PLPPR1: variants seen among roughly 807,000 people sequenced by gnomAD.
The protein encoded by PLPPR1 is phospholipid phosphatase-related protein type 1.
PLPPR1 carries 10 observed loss-of-function variants against 33.1 expected under a neutral mutation model. That is an observed-to-expected ratio of 0.30 (90% CI 0.19 to 0.51). The LOEUF (loss-of-function observed/expected upper bound fraction) is 0.51. Ranked by LOEUF, PLPPR1 falls within the 20% of genes least tolerant of loss-of-function variation. The pLI, the probability that PLPPR1 is intolerant of heterozygous loss-of-function variation, is 0.97. For synonymous variants in PLPPR1, 151 were observed against 151.0 expected (o/e 1.00, Z 0.00); for missense variants, 304 against 408.1 (o/e 0.74, Z 2.20).
intron 1 of PLPPR1, among the ~76,000 whole-genome samples, chr9:101,035,598 T>G (rs2118405175): frequency 6.6e-6 from 1 of 152,312 alleles, no homozygotes. Context: ...TAAGGTTGGC[T>G]TCTCTTTCTA....
chr9:101,268,793 A>C (rs1022005755), intron 2 of PLPPR1, among the ~76,000 whole-genome samples: 1 of 152,194 alleles, frequency 6.6e-6, no homozygotes, highest in African/African-American at 2.4e-5. Flanking sequence ...ATTTTTTTTC[A>C]TAACTTTGAT....
At chr9:101,089,604 C>A (rs1046149213) in intron 1 of PLPPR1, among the ~76,000 whole-genome samples, 3 of 152,074 alleles carry the variant, frequency 2.0e-5, no homozygotes, top group Admixed American at 6.6e-5. Flanking sequence ...TTGTTCATAT[C>A]ATTAGTTTTC....
intron 2 of PLPPR1, among the ~76,000 whole-genome samples, chr9:101,266,404 AAAAG>A (rs1302413369): frequency 1.1e-4 from 17 of 149,978 alleles, no homozygotes; most frequent in South Asian, 2.1e-4. Flanking sequence ...TCCAAAAAAA[AAAAG>A]AAAGAAAGAA....
chr9:101,058,075 G>A (rs1487404564), intron 1 of PLPPR1, among the ~76,000 whole-genome samples: 3 of 152,106 alleles, frequency 2.0e-5, no homozygotes, highest in African/African-American at 7.2e-5. Flanking sequence ...TGGAACCAGA[G>A]CCTTCTTCCT....
intron 1 of PLPPR1, among the ~76,000 whole-genome samples, chr9:101,090,971 C>T (rs1485682763): frequency 3.3e-5 from 5 of 151,444 alleles, no homozygotes; most frequent in African/African-American, 7.3e-5. Context: ...TTTTCCCCTC[C>T]TCCCTTTTCT....
intron 1 of PLPPR1, among the ~76,000 whole-genome samples, chr9:101,156,377 C>T (rs1831685510): frequency 6.6e-6 from 1 of 151,726 alleles, no homozygotes; most frequent in African/African-American, 2.4e-5. Flanking sequence ...TGGCAAACCC[C>T]CATCTCTACA....
chr9:101,225,623 C>T (rs1325308594), intron 2 of PLPPR1, among the ~76,000 whole-genome samples: 2 of 152,042 alleles, frequency 1.3e-5, no homozygotes, highest in South Asian at 2.1e-4. Flanking sequence ...AAGAAGGACC[C>T]AAAGCAGTCA....
chr9:101,154,160 T>C (rs1397391787), intron 1 of PLPPR1, among the ~76,000 whole-genome samples: 6 of 152,214 alleles, frequency 3.9e-5, no homozygotes, highest in South Asian at 2.1e-4. Context: ...GGGATATTGG[T>C]CTAAAATTCT....
chr9:101,162,273 G>C (rs1831786553), intron 1 of PLPPR1, among the ~76,000 whole-genome samples: 1 of 152,112 alleles, frequency 6.6e-6, no homozygotes, highest in Admixed American at 6.6e-5. Flanking sequence ...AACACAGCCT[G>C]AGAGTGCTTT....
chr9:101,083,687 A>G (rs1449875835), intron 1 of PLPPR1, among the ~76,000 whole-genome samples: 1 of 152,216 alleles, frequency 6.6e-6, no homozygotes, highest in Non-Finnish European at 1.5e-5. Context: ...CAGCATCCTC[A>G]GTGTAGATTC....
intron 2 of PLPPR1, among the ~76,000 whole-genome samples, chr9:101,261,509 G>C (rs1827898822): frequency 6.6e-6 from 1 of 152,132 alleles, no homozygotes; most frequent in Admixed American, 6.6e-5. Context: ...TACATTTGAA[G>C]TCCCTCAGTT....
chr9:101,181,463 G>A (rs1826108672), intron 1 of PLPPR1, among the ~76,000 whole-genome samples: 1 of 150,900 alleles, frequency 6.6e-6, no homozygotes, highest in South Asian at 2.1e-4. Flanking sequence ...CCACTTCTGA[G>A]TGTGTATCCA....
rs546114451 is a variant in PLPPR1, at chr9:101,164,503, C to T, written c.-45-20947C>T. On this transcript the variant is annotated intron_variant, in intron 1 of 7. Transcript: ENST00000374874. ...TCAGCCTCTAGAGTAGCTGGGATTA[C>T]GGGTGCACACCACCATGGACAGCTA... is the stretch of plus-strand genomic sequence containing the variant. Among the ~76,000 whole-genome samples, 27 of 151,860 alleles carry T rather than the reference C, an allele frequency of 1.8e-4. No individual in the cohort carries two copies. The South Asian group carries it at 2.9e-3, about 16-fold the overall frequency.
At chr9:101,284,826 C>G (rs1175238492) in intron 3 of PLPPR1, among the ~76,000 whole-genome samples, 1 of 152,118 alleles carries the variant, frequency 6.6e-6, no homozygotes, top group African/African-American at 2.4e-5. Context: ...TAAATTTTCT[C>G]TAAAATCACA....
intron 5 of PLPPR1, among the ~76,000 whole-genome samples, chr9:101,311,885 T>A (rs569139300): frequency 6.6e-6 from 1 of 152,344 alleles, no homozygotes; most frequent in Admixed American, 6.5e-5. Context: ...AGTGGTGTTT[T>A]GTAACTACTA....
chr9:101,238,293 C>CTATATATATATATATATATATATA (rs1307945596), intron 2 of PLPPR1, among the ~76,000 whole-genome samples: 2 of 130,350 alleles, frequency 1.5e-5, no homozygotes. Context: ...TATACATACC[C>CTATATATATATATATATATATATA]TATATATATA....
chr9:101,229,930 T>C (rs1054200055), intron 2 of PLPPR1, among the ~76,000 whole-genome samples: 14 of 152,170 alleles, frequency 9.2e-5, no homozygotes, highest in African/African-American at 3.1e-4. Context: ...TAAGTTCTTT[T>C]TGAATCAGTT....
intron 2 of PLPPR1, among the ~76,000 whole-genome samples, chr9:101,188,605 T>G (rs1447989882): frequency 6.6e-6 from 1 of 152,098 alleles, no homozygotes; most frequent in Non-Finnish European, 1.5e-5. Flanking sequence ...TTTCAAGTGT[T>G]TTACTATTGA....
intron 2 of PLPPR1, among the ~76,000 whole-genome samples, chr9:101,236,322 T>C (rs1827297777): frequency 6.6e-6 from 1 of 151,796 alleles, no homozygotes; most frequent in Non-Finnish European, 1.5e-5. Flanking sequence ...TATTAACTTT[T>C]GCTGTAACAA....
Sources: gnomAD v4.1 joint callset for allele counts (sites outside exome capture counted in the v4.1 genomes callset) on GRCh38, gnomAD v4.1.1 for gene constraint, MANE v1.5 for transcripts, NCBI Gene and HGNC (gene_info 2026-07-23, HGNC 2026-07-21) for gene names.